Variants in NR6A1 observed in about 807,000 individuals in gnomAD.
The protein encoded by NR6A1 is nuclear receptor subfamily 6 group A member 1, also known as retinoic acid receptor-related testis-associated receptor.
In NR6A1, 7 loss-of-function variants were observed where a neutral mutation model predicts 59.1. The observed-to-expected ratio is 0.12, with a 90% CI of 0.07 to 0.22. The LOEUF (loss-of-function observed/expected upper bound fraction) is 0.22. Ranked by LOEUF, NR6A1 falls within the 10% of genes least tolerant of loss-of-function variation. The pLI is 1.00. For missense variants in NR6A1, 468 were observed against 611.6 expected, an observed-to-expected ratio of 0.77 and a Z score of 2.48; for synonymous variants, 243 against 236.1, an observed-to-expected ratio of 1.03 and a Z score of -0.27.
intron 2 of NR6A1, among the ~76,000 whole-genome samples, chr9:124,563,904 C>T (rs1029694541): frequency 6.6e-6 from 1 of 152,062 alleles, no homozygotes; most frequent in African/African-American, 2.4e-5. Context: ...AGCAAGACCC[C>T]ATCCCTACGA....
chr9:124,746,942 C>A (rs554878630), intron 1 of NR6A1, among the ~76,000 whole-genome samples: 1 of 152,028 alleles, frequency 6.6e-6, no homozygotes, highest in African/African-American at 2.4e-5. Context: ...GAAGTAAATG[C>A]CCTAATGGAG....
At chr9:124,589,097 C>CGAATAAAA (rs1360971997) in intron 2 of NR6A1, among the ~76,000 whole-genome samples, 1 of 152,056 alleles carries the variant, frequency 6.6e-6, no homozygotes, top group Non-Finnish European at 1.5e-5. Flanking sequence ...ATAAAAGAGT[C>CGAATAAAA]GAGGATAGCA....
At chr9:124,645,127 A>T (rs563753502) in intron 2 of NR6A1, among the ~76,000 whole-genome samples, 1 of 152,366 alleles carries the variant, frequency 6.6e-6, no homozygotes, top group East Asian at 1.9e-4. Flanking sequence ...AAACTTTTAA[A>T]AGTACAATTG....
intron 2 of NR6A1, among the ~76,000 whole-genome samples, chr9:124,666,275 CTTTTTTTTTTTTT>C (rs922378385): frequency 9.7e-6 from 1 of 103,070 alleles, no homozygotes; most frequent in African/African-American, 4.3e-5. Context: ...CTATGTGGTT[CTTTTTTTTTTTTT>C]TTTTTTTTGA....
chr9:124,583,548 AG>A (rs1000336114), intron 2 of NR6A1, among the ~76,000 whole-genome samples: 6 of 152,134 alleles, frequency 3.9e-5, no homozygotes, highest in African/African-American at 1.4e-4. Flanking sequence ...CAGGAATGTG[AG>A]GGGGGCTCTC....
At chr9:124,695,016 T>A (rs1838698916) in intron 2 of NR6A1, among the ~76,000 whole-genome samples, 1 of 152,208 alleles carries the variant, frequency 6.6e-6, no homozygotes, top group South Asian at 2.1e-4. Flanking sequence ...CTAGACGAGG[T>A]GATTTTGGGT....
chr9:124,566,733 G>A (rs1267070105), intron 2 of NR6A1, among the ~76,000 whole-genome samples: 2 of 152,188 alleles, frequency 1.3e-5, no homozygotes, highest in Non-Finnish European at 2.9e-5. Flanking sequence ...TCTAAACCAC[G>A]TGGCTGTGAG....
At chr9:124,722,172 A>C (rs904733830) in intron 2 of NR6A1, among the ~76,000 whole-genome samples, 2 of 152,222 alleles carry the variant, frequency 1.3e-5, no homozygotes, top group Non-Finnish European at 2.9e-5. Context: ...GAAAAGAACA[A>C]TAAGTGCGTT....
At chr9:124,636,842 T>C (rs1449989084) in intron 2 of NR6A1, among the ~76,000 whole-genome samples, 1 of 152,162 alleles carries the variant, frequency 6.6e-6, no homozygotes, top group Non-Finnish European at 1.5e-5. Flanking sequence ...TTGTTTAACA[T>C]GATGAGATCT....
At chr9:124,546,002 C>A (rs962553588) in intron 3 of NR6A1, among the ~76,000 whole-genome samples, 1 of 152,180 alleles carries the variant, frequency 6.6e-6, no homozygotes, top group Admixed American at 6.5e-5. Flanking sequence ...GTAATCCCAG[C>A]TACTCGGGAG....
chr9:124,637,683 G>A (rs756931063), intron 2 of NR6A1, among the ~76,000 whole-genome samples: 1 of 152,058 alleles, frequency 6.6e-6, no homozygotes, highest in Non-Finnish European at 1.5e-5. Context: ...TTGAGTCCAG[G>A]AGTTCGACAC....
At chr9:124,629,947 T>C (rs1252687640) in intron 2 of NR6A1, among the ~76,000 whole-genome samples, 1 of 152,240 alleles carries the variant, frequency 6.6e-6, no homozygotes, top group Non-Finnish European at 1.5e-5. Context: ...AAACAGTCTG[T>C]GGCCAAAAGG....
intron 1 of NR6A1, among the ~76,000 whole-genome samples, chr9:124,763,761 A>G (rs1840845887): frequency 6.6e-6 from 1 of 152,244 alleles, no homozygotes; most frequent in African/African-American, 2.4e-5. Context: ...GCCATAATAA[A>G]AAGAACATTG....
intron 2 of NR6A1, chr9:124,692,554 G>T (rs937723329): frequency 3.9e-6 from 2 of 510,682 alleles, no homozygotes; most frequent in Middle Eastern, 6.4e-4. Context: ...GGTCCTTACA[G>T]ACGACACTAC....
intron 2 of NR6A1, chr9:124,599,523 C>T (rs1044050724): frequency 1.7e-6 from 1 of 579,024 alleles, no homozygotes; most frequent in Non-Finnish European, 3.0e-6. Context: ...TGGTTGGACT[C>T]GTCTTCATTC....
At chr9:124,655,281 G>A (rs1399286528) in intron 2 of NR6A1, among the ~76,000 whole-genome samples, 2 of 152,110 alleles carry the variant, frequency 1.3e-5, no homozygotes, top group East Asian at 1.9e-4. Flanking sequence ...TGAGTCAAGC[G>A]AGAACAAGCA....
rs975760604 is a variant in NR6A1, at chr9:124,526,765, C to A, written c.1201+14G>T. 7 of 1,612,402 alleles carry A rather than the reference C, an allele frequency of 4.3e-6. No homozygotes were observed. The highest frequency in any genetic ancestry group is 5.9e-6 in the Non-Finnish European group (7 of 1,178,816). On this transcript the variant is annotated intron_variant, in intron 8 of 9. Coordinates refer to ENST00000487099, the MANE Select transcript of NR6A1 (RefSeq NM_033334.4). ...CGCACTGCAAACGTCCCTTTTCCCA[C>A]CCCAGCCACTCACCTTGATTTAGGA...
chr9:124,597,043 G>A (rs1012022206), intron 2 of NR6A1, among the ~76,000 whole-genome samples: 10 of 152,148 alleles, frequency 6.6e-5, no homozygotes, highest in African/African-American at 1.9e-4. Flanking sequence ...CTTGGAGTAG[G>A]ACTGGAATCT....
intron 2 of NR6A1, among the ~76,000 whole-genome samples, chr9:124,608,966 C>T (rs1835658438): frequency 6.6e-6 from 1 of 152,094 alleles, no homozygotes; most frequent in Non-Finnish European, 1.5e-5. Context: ...CTGTTCATGT[C>T]CTTTGCCCAC....
Sources: gnomAD v4.1 joint callset for allele counts (sites outside exome capture counted in the v4.1 genomes callset) on GRCh38, gnomAD v4.1.1 for gene constraint, MANE v1.5 for transcripts, NCBI Gene and HGNC (gene_info 2026-07-23, HGNC 2026-07-21) for gene names.